Variants in MTDH observed in about 807,000 individuals in gnomAD.
The protein encoded by MTDH is protein LYRIC.
MTDH carries 34 observed loss-of-function variants against 72.7 expected under a neutral mutation model. That is an observed-to-expected ratio of 0.47 (90% CI 0.36 to 0.62). The LOEUF (loss-of-function observed/expected upper bound fraction) is 0.62, where lower values mean the gene tolerates loss of function less well. Ranked by LOEUF, MTDH falls within the 20% of genes least tolerant of loss-of-function variation. The pLI, the probability that MTDH is intolerant of heterozygous loss-of-function variation, is 0.00. For synonymous variants in MTDH, 266 were observed against 268.9 expected (o/e 0.99, Z 0.10); for missense variants, 677 against 699.4 (o/e 0.97, Z 0.36).
At chr8:97,693,416 C>T (rs1813698962) in intron 6 of MTDH, among the ~76,000 whole-genome samples, 1 of 152,088 alleles carries the variant, frequency 6.6e-6, no homozygotes, top group Non-Finnish European at 1.5e-5. Context: ...TCACTGCAAC[C>T]TCCACCTCTC....
intron 1 of MTDH, among the ~76,000 whole-genome samples, chr8:97,654,441 C>T (rs1403481050): frequency 1.3e-5 from 2 of 152,030 alleles, no homozygotes; most frequent in African/African-American, 2.4e-5. Context: ...TGAGATAATG[C>T]GTGTAATGTG....
chr8:97,714,670 T>G, intron 9 of MTDH, among the ~76,000 whole-genome samples: 1 of 152,186 alleles, frequency 6.6e-6, no homozygotes, highest in East Asian at 1.9e-4. Context: ...ATAGGTTTTT[T>G]TAAAGCACTA....
At chr8:97,720,949 C>T (rs374543406) in intron 10 of MTDH, among the ~76,000 whole-genome samples, 4 of 152,056 alleles carry the variant, frequency 2.6e-5, no homozygotes, top group African/African-American at 9.6e-5. Context: ...CCACCACGCC[C>T]GGCCTCTGTT....
chr8:97,681,761 G>A (rs1813084331), intron 2 of MTDH, among the ~76,000 whole-genome samples: 1 of 151,870 alleles, frequency 6.6e-6, no homozygotes, highest in Admixed American at 6.6e-5. Context: ...CCAGGTGCTG[G>A]GATTACAGGC....
chr8:97,661,559 C>T (rs553440818), intron 2 of MTDH, among the ~76,000 whole-genome samples: 2 of 152,190 alleles, frequency 1.3e-5, no homozygotes, highest in South Asian at 4.1e-4. Context: ...TTAGCAAAAT[C>T]GTTCAGTGAT....
rs887514117 is a variant in MTDH, at chr8:97,644,916, A to G, written c.381+29A>G. ...AGTATGGGATGAGCGGCAGTAGAGA[A>G]CGGGCGAAGGGCGGGCGTGGAGACC... is the stretch of plus-strand genomic sequence containing the variant. On this transcript the variant is annotated intron_variant, in intron 1 of 11. Transcript: ENST00000336273. 3 of 1,508,646 alleles carry G rather than the reference A, an allele frequency of 2.0e-6. No homozygotes were observed. In the African/African-American group the frequency reaches 4.4e-5, roughly 22 times the overall value. 93.5% of individuals were successfully genotyped at this position (1,508,646 alleles called of 1,614,324 possible).
At chr8:97,693,270 A>G (rs1284933357) in intron 6 of MTDH, among the ~76,000 whole-genome samples, 2 of 151,966 alleles carry the variant, frequency 1.3e-5, no homozygotes, top group Non-Finnish European at 2.9e-5. Flanking sequence ...TATTTTGGTT[A>G]ACTTTTTGAA....
chr8:97,676,191 C>G (rs1812839302), intron 2 of MTDH, among the ~76,000 whole-genome samples: 1 of 152,198 alleles, frequency 6.6e-6, no homozygotes, highest in Non-Finnish European at 1.5e-5. Context: ...CCTCCCACCT[C>G]TGTCTCCCAA....
At chr8:97,658,882 A>G (rs1462207602) in intron 1 of MTDH, among the ~76,000 whole-genome samples, 2 of 152,094 alleles carry the variant, frequency 1.3e-5, no homozygotes, top group Non-Finnish European at 2.9e-5. Flanking sequence ...GGTGGCTCAC[A>G]CCTGTAATCC....
intron 2 of MTDH, among the ~76,000 whole-genome samples, chr8:97,669,906 G>A (rs1391281026): frequency 7.7e-5 from 11 of 142,448 alleles, no homozygotes; most frequent in African/African-American, 2.8e-4. Flanking sequence ...CTGATCAACA[G>A]AGGGAGACTC....
At chr8:97,712,973 G>A (rs1354186670) in intron 8 of MTDH, among the ~76,000 whole-genome samples, 1 of 152,084 alleles carries the variant, frequency 6.6e-6, no homozygotes, top group African/African-American at 2.4e-5. Flanking sequence ...TGTGTAGCTT[G>A]TTATTTCATT....
chr8:97,644,885 A>G lies in MTDH; in HGVS notation c.379A>G (p.Lys127Glu). Reference sequence around the variant, plus strand: ...CCGGAAGAAACTGTCCGAGAAGCCCAAAGTGAGTATGGGATGAGCGGCAGT... The same window carrying G: ...CCGGAAGAAACTGTCCGAGAAGCCCGAAGTGAGTATGGGATGAGCGGCAGT... ...KNRKKLSEKP[K>E]PNGRTVEVAE... The change falls in exon 1 of 12, where the codon AAA becomes GAA. Residue 127 changes from lysine (K) to glutamate (E), a missense_variant and splice_region_variant. Transcript: ENST00000336273. 6.5e-7 allele frequency: 1 copy of G among 1,550,058 alleles called. No homozygotes were observed. Among genetic ancestry groups the G allele is most frequent in the Non-Finnish European group, 8.6e-7 (1 of 1,159,592 alleles).
chr8:97,683,420 G>A (rs560928688), intron 2 of MTDH, among the ~76,000 whole-genome samples: 1 of 151,832 alleles, frequency 6.6e-6, no homozygotes, highest in African/African-American at 2.4e-5. Flanking sequence ...TTTTGAGACA[G>A]GGTCTCACCC....
rs569992744 is a variant in MTDH at position 97,715,068 on chromosome 8, G to A, written c.1380+1299G>A. On this transcript the variant is annotated intron_variant, in intron 9 of 11. Transcript: ENST00000336273. ...TCAAGTGATGTGGTCTCAAGTGAGC[G>A]GCCCAACTCAGCCTCCCAAAGTGCT... 2.2e-4 allele frequency among the ~76,000 whole-genome samples: 34 copies of A among 151,260 alleles called. No homozygotes were observed. The South Asian group carries it at 6.7e-3, about 30-fold the overall frequency.
chr8:97,645,109 G>A (rs746783849), intron 1 of MTDH, among the ~76,000 whole-genome samples: 2 of 152,214 alleles, frequency 1.3e-5, no homozygotes, highest in African/African-American at 2.4e-5. Flanking sequence ...CAGTTTCGAG[G>A]AAGGAAGTTA....
intron 2 of MTDH, among the ~76,000 whole-genome samples, chr8:97,669,546 C>A (rs1470741139): frequency 6.6e-6 from 1 of 151,908 alleles, no homozygotes; most frequent in Non-Finnish European, 1.5e-5. Flanking sequence ...CACTTATCCC[C>A]AGTCCCCCTG....
intron 1 of MTDH, among the ~76,000 whole-genome samples, chr8:97,646,166 CAA>C (rs369735641): frequency 1.0e-3 from 155 of 152,280 alleles, no homozygotes; most frequent in African/African-American, 3.5e-3. Flanking sequence ...TTCCAACTAA[CAA>C]GAGTTTTGTT....
At chr8:97,718,590 G>A (rs1375748304) in intron 9 of MTDH, among the ~76,000 whole-genome samples, 8 of 149,166 alleles carry the variant, frequency 5.4e-5, no homozygotes, top group Non-Finnish European at 1.0e-4. Flanking sequence ...GTGCGATCTC[G>A]GCTCACTGCA....
intron 2 of MTDH, among the ~76,000 whole-genome samples, chr8:97,667,045 G>T (rs1331446334): frequency 6.6e-6 from 1 of 151,968 alleles, no homozygotes; most frequent in African/African-American, 2.4e-5. Flanking sequence ...AGCCTGGAGC[G>T]CAGTGGCACA....
Sources: gnomAD v4.1 joint callset for allele counts (sites outside exome capture counted in the v4.1 genomes callset) on GRCh38, gnomAD v4.1.1 for gene constraint, MANE v1.5 for transcripts, NCBI Gene and HGNC (gene_info 2026-07-23, HGNC 2026-07-21) for gene names.